Variants in RCC1L observed in about 807,000 individuals in gnomAD.
RCC1L encodes the protein RCC1 like, also known as RCC1-like G exchanging factor-like protein.
RCC1L carries 46 observed loss-of-function variants against 58.6 expected under a neutral mutation model. The ratio of observed to expected loss-of-function variants is 0.79; its 90% CI spans 0.62 to 1.00. RCC1L has a LOEUF of 1.00. Among genes scored for constraint, RCC1L ranks in the 50% least tolerant of loss-of-function variants. The pLI, the probability that RCC1L is intolerant of heterozygous loss-of-function variation, is 0.00. For synonymous variants in RCC1L, 281 were observed against 262.9 expected (o/e 1.07, Z -0.67); for missense variants, 636 against 623.6 (o/e 1.02, Z -0.21).
chr7:75,064,743 G>T, intron 3 of RCC1L, 95 bp from the exon 4 acceptor site: 1 of 1,373,910 alleles, frequency 7.3e-7, no homozygotes, highest in Non-Finnish European at 1.0e-6. Flanking sequence ...TCCCGTCCTG[G>T]TTACTCACCC....
intron 1 of RCC1L, among the ~76,000 whole-genome samples, 156 bp from the exon 2 acceptor site, chr7:75,070,925 G>A (rs1369758870): frequency 6.6e-6 from 1 of 152,104 alleles, no homozygotes; most frequent in African/African-American, 2.4e-5. Flanking sequence ...CCAGGCTGGA[G>A]TGCAGTGGCG....
intron 1 of RCC1L, 50 bp downstream of exon 1, chr7:75,073,364 G>C: frequency 3.5e-6 from 3 of 859,514 alleles, no homozygotes; most frequent in East Asian, 6.7e-5. Context: ...GAGGGAGGCC[G>C]GGAGCGCGGA....
At chr7:75,030,114 G>A (rs1805259154) in intron 10 of RCC1L, among the ~76,000 whole-genome samples, 1 of 152,246 alleles carries the variant, frequency 6.6e-6, no homozygotes, top group African/African-American at 2.4e-5. Flanking sequence ...GAGAGAGCTT[G>A]TGGCTGTCAC....
chr7:75,071,072 T>C (rs1584507109), intron 1 of RCC1L, among the ~76,000 whole-genome samples: 2 of 152,072 alleles, frequency 1.3e-5, no homozygotes, highest in East Asian at 3.9e-4. Context: ...GCCCAGGTGA[T>C]CTCAAATTCC....
At chr7:75,066,991 G>A (rs994059649) in intron 2 of RCC1L, among the ~76,000 whole-genome samples, 199 bp from the exon 3 acceptor site, 3 of 152,082 alleles carry the variant, frequency 2.0e-5, no homozygotes, top group Admixed American at 2.0e-4. Flanking sequence ...TACATAATGC[G>A]GGTTCCAGAA....
chr7:75,031,517 G>GA (rs34294455), intron 10 of RCC1L, among the ~76,000 whole-genome samples: 16,973 of 146,406 alleles, frequency 0.12, 1,090 homozygotes, highest in Middle Eastern at 0.29. Context: ...TAATTAAAAT[G>GA]AAAAAAAAAA....
chr7:75,030,215 G>A (rs1388760614), intron 10 of RCC1L, among the ~76,000 whole-genome samples: 4 of 152,220 alleles, frequency 2.6e-5, no homozygotes, highest in Non-Finnish European at 4.4e-5. Context: ...TTATGCACAC[G>A]TTTGTGCATG....
chr7:75,064,718 G>T (rs1227860702), intron 3 of RCC1L, 70 bp from the exon 4 acceptor site: 2 of 1,547,188 alleles, frequency 1.3e-6, no homozygotes, highest in Non-Finnish European at 1.8e-6. Flanking sequence ...GGACTGGAAG[G>T]GGTCTCGCTG....
chr7:75,059,034 T>G (rs1806183324), intron 6 of RCC1L, among the ~76,000 whole-genome samples: 2 of 144,094 alleles, frequency 1.4e-5, no homozygotes, highest in African/African-American at 5.1e-5. Context: ...AAAAAAAAAT[T>G]ACAAAAAAAT....
intron 7 of RCC1L, chr7:75,057,906 C>T: frequency 7.3e-6 from 3 of 410,750 alleles, no homozygotes; most frequent in South Asian, 4.2e-5. Context: ...GCCTGTAATC[C>T]TAGCACTCTG....
intron 10 of RCC1L, among the ~76,000 whole-genome samples, chr7:75,029,918 G>C (rs1472648275): frequency 1.3e-5 from 2 of 152,222 alleles, no homozygotes; most frequent in African/African-American, 4.8e-5. Flanking sequence ...AGCACTTTGG[G>C]AGACCAAGGT....
downstream of RCC1L, among the ~76,000 whole-genome samples, chr7:75,037,955 G>A (rs2131971492): frequency 6.6e-6 from 1 of 152,316 alleles, no homozygotes; most frequent in African/African-American, 2.4e-5. Context: ...AAATATCGGG[G>A]CTGGTGTTTA....
chr7:75,046,421 C>T (rs1563072750), intron 10 of RCC1L, among the ~76,000 whole-genome samples: 1 of 152,184 alleles, frequency 6.6e-6, no homozygotes, highest in African/African-American at 2.4e-5. Context: ...CACTTAAGCC[C>T]CCAGGTCCTT....
chr7:75,032,779 T>C (rs1191478561), intron 10 of RCC1L, among the ~76,000 whole-genome samples: 1 of 152,078 alleles, frequency 6.6e-6, no homozygotes, highest in East Asian at 1.9e-4. Context: ...CTTCAGATAA[T>C]ACCACAGGAG....
intron 10 of RCC1L, among the ~76,000 whole-genome samples, chr7:75,048,195 A>G (rs1805798998): frequency 1.4e-5 from 2 of 144,088 alleles, no homozygotes; most frequent in Non-Finnish European, 3.0e-5. Context: ...TGAACCCGGG[A>G]GGCGGAGGTT....
intron 10 of RCC1L, among the ~76,000 whole-genome samples, chr7:75,035,473 C>T (rs960776344): frequency 3.9e-5 from 6 of 152,060 alleles, no homozygotes; most frequent in African/African-American, 7.2e-5. Context: ...GATTAAATGA[C>T]GCAAATGTCA....
chr7:75,041,297 C>T (rs1013516447), downstream of RCC1L, among the ~76,000 whole-genome samples: 6 of 152,078 alleles, frequency 3.9e-5, no homozygotes, highest in African/African-American at 1.2e-4. Context: ...TTTCTCTCAA[C>T]GGCCCACAGA....
chr7:75,073,657 C>A lies in RCC1L; in HGVS notation c.81G>T (p.Thr27=), dbSNP rs781976837. 2.0e-6 allele frequency: 3 copies of A among 1,471,536 alleles called. No homozygotes were observed. Among genetic ancestry groups the A allele is most frequent in the Admixed American group, 2.4e-5 (1 of 40,826 alleles). The allele number at this position is 1,471,536 out of a possible 1,614,324, so 91.2% of individuals were successfully genotyped here. A position where few individuals can be genotyped will look rare whatever the true frequency, so the allele number is the denominator to read the frequency against. Reference sequence around the variant, plus strand: ...GCCGGCTCCGGGAGCGCCCGGCCGCCGTCCAGTGCCCTCGCCCCAGCCCCG... The same window carrying A: ...GCCGGCTCCGGGAGCGCCCGGCCGCAGTCCAGTGCCCTCGCCCCAGCCCCG... The part of the protein sequence containing the change: ...SGPGLGRGHW[T]AAGRSRSRRE... The change falls in exon 1 of 11, where the codon ACG becomes ACT. Residue 27 remains threonine (T), a synonymous_variant. Coordinates refer to ENST00000610322, the MANE Select transcript of RCC1L (RefSeq NM_030798.5).
chr7:75,052,618 C>T lies in RCC1L; in HGVS notation c.1317+93G>A, dbSNP rs1225322839. ...AAGGGGGAGCAGGTCCCATGGCCCT[C>T]GTCCTGGCCCATCTGCACGCGAGGT... On this transcript the variant is annotated intron_variant, in intron 10 of 10. Transcript: ENST00000610322. 7.7e-5 allele frequency: 94 copies of T among 1,219,992 alleles called. 1 individual carries two copies. The South Asian group carries it at 8.4e-4, about 11-fold the overall frequency. 75.6% of individuals were successfully genotyped at this position (1,219,992 alleles called of 1,614,324 possible).
Sources: gnomAD v4.1 joint callset for allele counts (sites outside exome capture counted in the v4.1 genomes callset) on GRCh38, gnomAD v4.1.1 for gene constraint, MANE v1.5 for transcripts, NCBI Gene and HGNC (gene_info 2026-07-23, HGNC 2026-07-21) for gene names.